EPHA6: variants seen among roughly 807,000 people sequenced by gnomAD.
EPHA6 encodes ephrin type-A receptor 6.
A neutral mutation model predicts 112.0 loss-of-function variants in EPHA6; 50 were observed. The ratio of observed to expected loss-of-function variants is 0.45; its 90% confidence interval spans 0.36 to 0.56. The LOEUF (loss-of-function observed/expected upper bound fraction) is 0.56. Ranked by LOEUF, EPHA6 falls within the 20% of genes least tolerant of loss-of-function variation. EPHA6 has a pLI of 0.00. For missense variants in EPHA6, 1,280 were observed against 1,417.4 expected, an observed-to-expected ratio of 0.90 and a Z score of 1.56; for synonymous variants, 529 against 490.7, an observed-to-expected ratio of 1.08 and a Z score of -1.03.
intron 5 of EPHA6, among the ~76,000 whole-genome samples, chr3:97,299,183 A>ATGTG (rs34282025): frequency 0.037 from 5,357 of 144,556 alleles, 290 homozygotes; most frequent in African/African-American, 0.12. Context: ...GATGATCAGG[A>ATGTG]TGTGTGTGTG....
At chr3:97,029,325 A>T (rs146721780) in intron 3 of EPHA6, among the ~76,000 whole-genome samples, 1,866 of 151,772 alleles carry the variant, frequency 0.012, 36 homozygotes, top group African/African-American at 0.04. Flanking sequence ...AAAAATTTTA[A>T]AAGTTTAAAT....
intron 3 of EPHA6, among the ~76,000 whole-genome samples, chr3:97,220,282 G>A (rs1470522957): frequency 6.6e-6 from 1 of 152,054 alleles, no homozygotes; most frequent in Non-Finnish European, 1.5e-5. Context: ...ACATCTTCCT[G>A]TCTTCTTCTG....
intron 4 of EPHA6, among the ~76,000 whole-genome samples, chr3:97,227,246 G>A (rs759427842): frequency 2.7e-4 from 40 of 149,316 alleles, no homozygotes; most frequent in African/African-American, 7.9e-4. Flanking sequence ...TCGAGACAGA[G>A]TTTTGCTCTT....
intron 13 of EPHA6, among the ~76,000 whole-genome samples, chr3:97,617,234 A>G (rs2093774399): frequency 6.6e-6 from 1 of 152,140 alleles, no homozygotes. Flanking sequence ...TGCTGAGGGA[A>G]TTCATCACCA....
intron 3 of EPHA6, among the ~76,000 whole-genome samples, chr3:97,143,817 T>G (rs2075970218): frequency 6.6e-6 from 1 of 151,586 alleles, no homozygotes; most frequent in African/African-American, 2.4e-5. Context: ...TAAGAGATAA[T>G]GGTCTTTTAG....
chr3:96,832,590 G>A (rs1450866995), intron 1 of EPHA6, among the ~76,000 whole-genome samples: 2 of 151,920 alleles, frequency 1.3e-5, no homozygotes, highest in Admixed American at 6.6e-5. Flanking sequence ...TTTGGTTATT[G>A]CCATTGGCCT....
intron 3 of EPHA6, among the ~76,000 whole-genome samples, chr3:97,126,088 C>T (rs902481071): frequency 6.6e-6 from 1 of 152,178 alleles, no homozygotes; most frequent in Non-Finnish European, 1.5e-5. Flanking sequence ...TGCAGGTATG[C>T]GATTTCCTAC....
chr3:97,291,279 T>G (rs1454726469), intron 5 of EPHA6, among the ~76,000 whole-genome samples: 1 of 152,216 alleles, frequency 6.6e-6, no homozygotes, highest in East Asian at 1.9e-4. Flanking sequence ...TGTTGAAGCT[T>G]GTTTTGTTAC....
intron 15 of EPHA6, among the ~76,000 whole-genome samples, chr3:97,721,023 G>A (rs892317798): frequency 1.3e-5 from 2 of 152,160 alleles, no homozygotes; most frequent in Non-Finnish European, 2.9e-5. Flanking sequence ...TTCAGAAGAT[G>A]CAGATACTCT....
At chr3:96,941,056 T>G (rs901866452) in intron 2 of EPHA6, among the ~76,000 whole-genome samples, 7 of 152,156 alleles carry the variant, frequency 4.6e-5, no homozygotes, top group Non-Finnish European at 7.4e-5. Flanking sequence ...TCAACTTTGG[T>G]GAATCTGACA....
At chr3:97,181,726 A>G (rs1473963916) in intron 3 of EPHA6, among the ~76,000 whole-genome samples, 1 of 152,098 alleles carries the variant, frequency 6.6e-6, no homozygotes, top group Non-Finnish European at 1.5e-5. Flanking sequence ...TGATTTTCGC[A>G]CTGAGTTCAG....
At chr3:97,656,124 A>G (rs781486558) in intron 14 of EPHA6, among the ~76,000 whole-genome samples, 1 of 151,994 alleles carries the variant, frequency 6.6e-6, no homozygotes, top group Non-Finnish European at 1.5e-5. Context: ...ATAGAAAGAA[A>G]TAGCTCCTGG....
intron 5 of EPHA6, among the ~76,000 whole-genome samples, chr3:97,377,318 T>G (rs1559936697): frequency 6.6e-6 from 1 of 152,170 alleles, no homozygotes; most frequent in Non-Finnish European, 1.5e-5. Context: ...ATATAAGAAG[T>G]GCCTTTCGCC....
intron 5 of EPHA6, among the ~76,000 whole-genome samples, chr3:97,288,793 A>G (rs1383880745): frequency 6.6e-6 from 1 of 151,448 alleles, no homozygotes; most frequent in Non-Finnish European, 1.5e-5. Flanking sequence ...ATAGTATCTC[A>G]TTGTGGTTTT....
At chr3:97,069,170 C>T (rs1025819715) in intron 3 of EPHA6, among the ~76,000 whole-genome samples, 7 of 152,004 alleles carry the variant, frequency 4.6e-5, no homozygotes, top group African/African-American at 9.7e-5. Flanking sequence ...AATATAAAGT[C>T]GATTAACACA....
intron 3 of EPHA6, among the ~76,000 whole-genome samples, chr3:97,168,253 C>G (rs181018555): frequency 6.6e-6 from 1 of 152,228 alleles, no homozygotes; most frequent in Non-Finnish European, 1.5e-5. Flanking sequence ...TTCTCAACAA[C>G]GATTCTAACT....
chr3:97,610,770 T>C (rs1217171147), intron 12 of EPHA6, 23 bp from the exon 13 acceptor site: 4 of 1,598,150 alleles, frequency 2.5e-6, no homozygotes, highest in Non-Finnish European at 3.4e-6. Context: ...CTAATCCATG[T>C]GTATTCTCTT....
chr3:97,377,203 T>A (rs551461389), intron 5 of EPHA6, among the ~76,000 whole-genome samples: 2 of 152,278 alleles, frequency 1.3e-5, no homozygotes, highest in African/African-American at 2.4e-5. Flanking sequence ...TAGGAGATAA[T>A]TTGAATCATA....
At chr3:96,949,688 A>G (rs2041444115) in intron 2 of EPHA6, among the ~76,000 whole-genome samples, 1 of 152,132 alleles carries the variant, frequency 6.6e-6, no homozygotes, top group African/African-American at 2.4e-5. Context: ...ACTTGACTAA[A>G]TGCAAATACA....
Sources: allele counts gnomAD v4.1 joint callset (sites outside exome capture counted in the v4.1 genomes callset), GRCh38; gene constraint gnomAD v4.1.1; transcripts MANE v1.5; gene names NCBI Gene and HGNC (gene_info 2026-07-23, HGNC 2026-07-21).